Variants in SLC20A1 observed in about 807,000 individuals in gnomAD.
SLC20A1 encodes the protein solute carrier family 20 member 1, also known as sodium-dependent phosphate transporter 1.
In SLC20A1, 28 loss-of-function variants were observed where a neutral mutation model predicts 62.7. The ratio of observed to expected loss-of-function variants is 0.45; its 90% confidence interval spans 0.33 to 0.61. SLC20A1 has a LOEUF of 0.61. Among genes scored for constraint, SLC20A1 ranks in the 20% least tolerant of loss-of-function variants. SLC20A1 has a pLI of 0.02. For synonymous variants in SLC20A1, 305 were observed against 302.9 expected, an observed-to-expected ratio of 1.01 and a Z score of -0.07; for missense variants, 673 against 838.6, an observed-to-expected ratio of 0.80 and a Z score of 2.44.
intron 5 of SLC20A1, among the ~76,000 whole-genome samples, chr2:112,654,285 G>C (rs1686525464): frequency 6.6e-6 from 1 of 152,206 alleles, no homozygotes; most frequent in African/African-American, 2.4e-5. Flanking sequence ...TTGTATGCCA[G>C]ATTTCCATTG....
In SLC20A1 at chr2:112,658,814, T is replaced by C; in HGVS notation, c.779-11T>C. 6.3e-7 allele frequency: 1 copy of C among 1,583,246 alleles called. No homozygotes were observed. Among genetic ancestry groups the C allele is most frequent in the Non-Finnish European group, 8.6e-7 (1 of 1,165,898 alleles). ...AACCAAACCAAAAAAGACCCCCCTT[T>C]TTTTTCCTAGGAGAAATAAAGTGTA... On this transcript the variant is annotated splice_polypyrimidine_tract_variant and intron_variant, in intron 6 of 10. Transcript: ENST00000272542.
chr2:112,650,532 C>T (rs1287313777), intron 4 of SLC20A1, among the ~76,000 whole-genome samples: 1 of 151,784 alleles, frequency 6.6e-6, no homozygotes, highest in African/African-American at 2.4e-5. Flanking sequence ...GGTTTCACCA[C>T]GTTGGTCAAG....
At chr2:112,654,895 C>CA (rs199529152) in intron 5 of SLC20A1, among the ~76,000 whole-genome samples, 92,560 of 112,182 alleles carry the variant, frequency 0.83, 37,940 homozygotes, top group East Asian at 0.98. Flanking sequence ...GATGCTGTCT[C>CA]AAAAAAAAAA....
At position 112,659,073 on chromosome 2, in the gene SLC20A1, A is replaced by G; in HGVS notation, c.1027A>G (p.Ser343Gly). ...LPSVDLKEET[S>G]IDSTVNGAVQ... ...CAGCGTGGACTTGAAAGAGGAAACC[A>G]GCATAGATAGCACCGTGAATGGTGA... Residue 343 changes from serine (S) to glycine (G), a missense_variant, in exon 7 of 11, where the codon AGC becomes GGC. Ser to Gly is a moderately conservative substitution (Grantham distance 56). Transcript: ENST00000272542. 1 of 1,614,032 alleles carries G rather than the reference A, an allele frequency of 6.2e-7. No homozygotes were observed. Among genetic ancestry groups the G allele is most frequent in the Non-Finnish European group, 8.5e-7 (1 of 1,179,982 alleles).
At chr2:112,651,379 A>G (rs1202824338) in intron 4 of SLC20A1, among the ~76,000 whole-genome samples, 1 of 151,662 alleles carries the variant, frequency 6.6e-6, no homozygotes, top group African/African-American at 2.4e-5. Flanking sequence ...TAGCCTTCCC[A>G]TATATGTATT....
rs769188316 is a variant in SLC20A1, at chr2:112,652,809, A to T, written c.658+11A>T. 6.2e-7 allele frequency: 1 copy of T among 1,612,336 alleles called. No homozygotes were observed. Reference sequence around the variant, plus strand: ...ATACTGGAGCACCGTGTAAGTACCTATCAAAATATTTAAATGTGAATTTAA... The same window carrying T: ...ATACTGGAGCACCGTGTAAGTACCTTTCAAAATATTTAAATGTGAATTTAA... On this transcript the variant is annotated intron_variant, in intron 5 of 10. Transcript: ENST00000272542.
chr2:112,657,331 T>C (rs1686619134), intron 6 of SLC20A1, 90 bp downstream of exon 6: 2 of 1,330,876 alleles, frequency 1.5e-6, no homozygotes, highest in Non-Finnish European at 2.1e-6. Context: ...TTAGAAGAGA[T>C]TGGCAAAATA....
chr2:112,658,591 T>C, intron 6 of SLC20A1: 1 of 455,360 alleles, frequency 2.2e-6, no homozygotes, highest in Non-Finnish European at 3.9e-6. Context: ...ACCTAAAATA[T>C]TTACAGAAAA....
In SLC20A1 at chr2:112,647,133, T is replaced by C; in HGVS notation, c.305T>C (p.Leu102Pro). The change falls in exon 2 of 11, where the codon CTG becomes CCG. Residue 102 changes from leucine to proline, a missense_variant. Coordinates refer to ENST00000272542, the MANE Select transcript of SLC20A1 (RefSeq NM_005415.5). Reference sequence around the variant, plus strand: ...ATGTACAACTCGACTCAAGGGCTGCTGATGGCCGGCTCAGTCAGTGCTATG... The same window carrying C: ...ATGTACAACTCGACTCAAGGGCTGCCGATGGCCGGCTCAGTCAGTGCTATG... ...VEMYNSTQGLLMAGSVSAMFG... is the reference protein window; with the variant it reads ...VEMYNSTQGLPMAGSVSAMFG... 3.1e-6 allele frequency: 5 copies of C among 1,613,946 alleles called. No homozygotes were observed. Among genetic ancestry groups the C allele is most frequent in the Non-Finnish European group, 4.2e-6 (5 of 1,179,788 alleles).
intron 6 of SLC20A1, among the ~76,000 whole-genome samples, chr2:112,657,628 T>C (rs1261687933): frequency 6.6e-6 from 1 of 152,152 alleles, no homozygotes; most frequent in East Asian, 1.9e-4. Flanking sequence ...ATACAAGATA[T>C]TTTCGTAGAG....
In SLC20A1 at chr2:112,660,403, C is replaced by T. The variant is rs1686716158; in HGVS notation, c.1624C>T (p.Leu542=). ...TTCTTCCAGCAATGCCATTGGGCCTCTGGTTGCTTTATATTTGGTTTATGA... is the reference window on the plus strand; with the variant it reads ...TTCTTCCAGCAATGCCATTGGGCCTTTGGTTGCTTTATATTTGGTTTATGA... The part of the protein sequence containing the change: ...GNDVSNAIGP[L]VALYLVYDTG... The change falls in exon 9 of 11, where the codon CTG becomes TTG. Residue 542 remains leucine, a synonymous_variant. Transcript: ENST00000272542. The T allele has an allele frequency of 1.2e-6, 2 of 1,613,944 alleles. No homozygotes were observed. Among genetic ancestry groups the T allele is most frequent in the African/African-American group, 1.3e-5 (1 of 74,998 alleles).
intron 4 of SLC20A1, among the ~76,000 whole-genome samples, chr2:112,648,077 T>TA (rs1418431550): frequency 1.3e-5 from 2 of 152,116 alleles, no homozygotes; most frequent in East Asian, 3.9e-4. Context: ...GCTAATATAA[T>TA]ACGTAAACTT....
At chr2:112,652,438 A>G (rs10758) in intron 4 of SLC20A1, 155,303 of 498,412 alleles carry the variant, frequency 0.31, 28,795 homozygotes, top group East Asian at 0.8. Context: ...GGGTATTGCA[A>G]TCTTTATTCA....
intron 4 of SLC20A1, among the ~76,000 whole-genome samples, chr2:112,648,865 AC>A (rs1432353556): frequency 1.3e-5 from 2 of 152,240 alleles, no homozygotes; most frequent in African/African-American, 4.8e-5. Context: ...AGTGTATGAT[AC>A]TGGGATGCTT....
At chr2:112,653,636 T>G (rs1686503428) in intron 5 of SLC20A1, among the ~76,000 whole-genome samples, 1 of 150,874 alleles carries the variant, frequency 6.6e-6, no homozygotes, top group African/African-American at 2.4e-5. Flanking sequence ...CTATGTGCTA[T>G]GCACCCATAT....
chr2:112,660,119 A>T (rs1285299533), intron 8 of SLC20A1, among the ~76,000 whole-genome samples: 1 of 152,176 alleles, frequency 6.6e-6, no homozygotes, highest in African/African-American at 2.4e-5. Flanking sequence ...TGGTTTGTAA[A>T]CTGTTTATTG....
rs1686800511 is a variant in SLC20A1, at chr2:112,663,319, T to G, written c.*294T>G. The G allele has an allele frequency of 2.3e-6, 1 of 427,092 alleles. No individual in the cohort carries two copies. Among genetic ancestry groups the G allele is most frequent in the Non-Finnish European group, 4.5e-6 (1 of 219,942 alleles). 26.5% of individuals were successfully genotyped at this position (427,092 alleles called of 1,614,324 possible). A position where few individuals can be genotyped will look rare whatever the true frequency, so the allele number is the denominator to read the frequency against. Reference sequence around the variant, plus strand: ...CTTTTTGTATCAGGCTTCAATTCCATTATGTTTTAATGTTGTCTCTGAAGA... The same window carrying G: ...CTTTTTGTATCAGGCTTCAATTCCAGTATGTTTTAATGTTGTCTCTGAAGA... On this transcript the variant is annotated 3_prime_UTR_variant, in exon 11 of 11. Transcript: ENST00000272542.
chr2:112,654,895 C>CAA (rs199529152), intron 5 of SLC20A1, among the ~76,000 whole-genome samples: 1,162 of 111,906 alleles, frequency 0.01, 30 homozygotes, highest in African/African-American at 0.035. Context: ...GATGCTGTCT[C>CAA]AAAAAAAAAA....
At chr2:112,656,708 TTAAAA>T (rs1339314731) in intron 5 of SLC20A1, among the ~76,000 whole-genome samples, 5 of 148,852 alleles carry the variant, frequency 3.4e-5, no homozygotes, top group African/African-American at 9.8e-5. Flanking sequence ...TCTGTTAACA[TTAAAA>T]TAAGTTTGTA....
Sources: gnomAD v4.1 joint callset for allele counts (sites outside exome capture counted in the v4.1 genomes callset) on GRCh38, gnomAD v4.1.1 for gene constraint, MANE v1.5 for transcripts, NCBI Gene and HGNC (gene_info 2026-07-23, HGNC 2026-07-21) for gene names.